KIF15: variants seen among roughly 807,000 people sequenced by gnomAD.
KIF15 encodes kinesin-like protein KIF15.
A neutral mutation model predicts 190.6 loss-of-function variants in KIF15; 140 were observed. The ratio of observed to expected loss-of-function variants is 0.73; its 90% CI spans 0.64 to 0.84. The LOEUF is 0.84. Ranked by LOEUF, KIF15 falls within the 40% of genes least tolerant of loss-of-function variation. The probability of loss-of-function intolerance (pLI) is 0.00; values close to 1 mark genes in which losing one functional copy is unlikely to be tolerated. For synonymous variants in KIF15, 528 were observed against 551.3 expected, an observed-to-expected ratio of 0.96 and a Z score of 0.59; for missense variants, 1,372 against 1,584.4, an observed-to-expected ratio of 0.87 and a Z score of 2.28.
At chr3:44,827,649 G>A (rs1056198141) in intron 23 of KIF15, 121 bp downstream of exon 23, 11 of 556,792 alleles carry the variant, frequency 2.0e-5, no homozygotes, top group Non-Finnish European at 2.9e-5. Context: ...GAAAGAAATG[G>A]AATTTGGGGC....
intron 20 of KIF15, among the ~76,000 whole-genome samples, chr3:44,816,575 CT>C (rs1262608704): frequency 6.6e-6 from 1 of 152,098 alleles, no homozygotes; most frequent in African/African-American, 2.4e-5. Flanking sequence ...TGAACTCATC[CT>C]TTTTTATGGC....
At position 44,783,594 on chromosome 3, in the gene KIF15, A is replaced by T. The variant is rs1706269132; in HGVS notation, c.362-1251A>T. 4.7e-5 allele frequency among the ~76,000 whole-genome samples: 5 copies of T among 105,270 alleles called. No individual in the cohort carries two copies. The South Asian group carries it at 1.7e-3, about 37-fold the overall frequency. 69.1% of individuals were successfully genotyped at this position (105,270 alleles called of 152,430 possible). A position where few individuals can be genotyped will look rare whatever the true frequency, so the allele number is the denominator to read the frequency against. On this transcript the variant is annotated intron_variant, in intron 5 of 34. Coordinates refer to ENST00000326047, the MANE Select transcript of KIF15 (RefSeq NM_020242.3). ...GGCAAAACATACTATATCTTTATAT[A>T]ATATATTCTTCAATGGGAAAATGAT...
intron 4 of KIF15, among the ~76,000 whole-genome samples, chr3:44,779,024 G>A: frequency 6.9e-6 from 1 of 144,548 alleles, no homozygotes; most frequent in African/African-American, 2.5e-5. Flanking sequence ...AGAAAGATTT[G>A]TCTGTTTTCC....
chr3:44,826,837 T>C (rs2125689406), intron 22 of KIF15, among the ~76,000 whole-genome samples: 1 of 152,338 alleles, frequency 6.6e-6, no homozygotes, highest in South Asian at 2.1e-4. Flanking sequence ...CTAACAGGAA[T>C]GCTGCCATAT....
intron 1 of KIF15, among the ~76,000 whole-genome samples, chr3:44,770,110 C>T (rs1705578570): frequency 1.3e-5 from 2 of 152,118 alleles, no homozygotes; most frequent in South Asian, 4.1e-4. Flanking sequence ...AGTTTTTAAA[C>T]GAACTAGGCA....
chr3:44,837,402 A>T (rs1241201496), intron 26 of KIF15, among the ~76,000 whole-genome samples: 4 of 152,228 alleles, frequency 2.6e-5, no homozygotes. Flanking sequence ...GAATAGTGAA[A>T]AATTCAAATC....
Position 44,801,484 on chromosome 3 carries a change from G to C in KIF15, c.1257G>C (p.Gln419His). 6.3e-7 allele frequency: 1 copy of C among 1,575,954 alleles called. No individual in the cohort carries two copies. The highest frequency in any genetic ancestry group is 1.1e-5 in the South Asian group (1 of 90,040). ...KKKTNYMEYF[Q>H]EAMLFFKKSE... ...AGACTAACTATATGGAGTATTTCCA[G>C]GAAGCAATGTTATTCTTTAAGAAAT... The change falls in exon 12 of 35, where the codon CAG becomes CAC. Residue 419 changes from glutamine to histidine, a missense_variant. Gln to His is a conservative substitution (Grantham distance 24, BLOSUM62 0). Transcript: ENST00000326047.
chr3:44,842,485 T>C (rs1698657038), intron 29 of KIF15, among the ~76,000 whole-genome samples: 1 of 152,220 alleles, frequency 6.6e-6, no homozygotes, highest in Non-Finnish European at 1.5e-5. Context: ...AAGGGATGTA[T>C]ATAAAGACAG....
At chr3:44,814,607 G>A (rs966662592) in intron 19 of KIF15, among the ~76,000 whole-genome samples, 4 of 152,184 alleles carry the variant, frequency 2.6e-5, no homozygotes, top group Non-Finnish European at 5.9e-5. Flanking sequence ...CACTGTGTCT[G>A]CCCTTATATT....
At chr3:44,852,379 T>A (rs1699092202) in intron 34 of KIF15, 40 bp downstream of exon 34, 1 of 1,559,694 alleles carries the variant, frequency 6.4e-7, no homozygotes. Context: ...CTGTCTGGTT[T>A]AAAAATGATT....
chr3:44,799,425 G>T (rs1707151642), intron 10 of KIF15: 2 of 441,194 alleles, frequency 4.5e-6, no homozygotes, highest in Admixed American at 2.5e-5. Flanking sequence ...CTGTCACAGG[G>T]TGTTTTTTCC....
At chr3:44,824,658 G>A (rs1230765334) in intron 20 of KIF15, among the ~76,000 whole-genome samples, 2 of 152,108 alleles carry the variant, frequency 1.3e-5, no homozygotes, top group South Asian at 4.1e-4. Flanking sequence ...ATTTCCTAAT[G>A]TTTATATGTC....
At position 44,805,922 on chromosome 3, in the gene KIF15, C is replaced by T; in HGVS notation, c.1907C>T (p.Ala636Val). ...ANLNLENLLE[A>V]TKACKRQEVS... is the part of the protein sequence containing the mutation. Reference sequence around the variant, plus strand: ...CTTAATCTTGAAAACCTTTTGGAAGCAACAAAAGCCTGCAAGCGGCAAGAA... The same window carrying T: ...CTTAATCTTGAAAACCTTTTGGAAGTAACAAAAGCCTGCAAGCGGCAAGAA... The change falls in exon 16 of 35, where the codon GCA becomes GTA. Residue 636 changes from alanine to valine, a missense_variant. Physicochemically the swap from Ala to Val is moderately conservative, Grantham distance 64 (BLOSUM62 0). Transcript: ENST00000326047. 6.2e-7 allele frequency: 1 copy of T among 1,614,028 alleles called. No individual in the cohort carries two copies.
At chr3:44,864,183 A>C (rs1699294924) in intron 6 of KIF15, 1 of 1,613,190 alleles carries the variant, frequency 6.2e-7, no homozygotes, top group Non-Finnish European at 8.5e-7. Flanking sequence ...CTGCAGTGAC[A>C]CTTTCTCCTG....
chr3:44,814,920 G>C lies in KIF15; in HGVS notation c.2393G>C (p.Ser798Thr), dbSNP rs1219762355. The C allele has an allele frequency of 1.9e-6, 3 of 1,585,380 alleles. No homozygotes were observed. The African/African-American group carries it at 4.1e-5, about 22-fold the overall frequency. ...TTTCTTTGTTTTTTAGTTTTGAAAA[G>C]TGAGGTACATGACCTGCGAGTAGTC... ...ETQTKNDFLK[S>T]EVHDLRVVLH... Residue 798 changes from serine to threonine, a missense_variant, in exon 20 of 35, where the codon AGT becomes ACT. Ser to Thr is a moderately conservative substitution (Grantham distance 58, BLOSUM62 1). Transcript: ENST00000326047.
intron 16 of KIF15, among the ~76,000 whole-genome samples, chr3:44,809,344 C>T (rs747602462): frequency 1.3e-5 from 2 of 152,016 alleles, no homozygotes; most frequent in Non-Finnish European, 2.9e-5. Context: ...GTTAGGTGTA[C>T]TGCCAATATA....
chr3:44,764,247 C>T (rs191228915), intron 1 of KIF15, among the ~76,000 whole-genome samples: 148 of 152,306 alleles, frequency 9.7e-4, no homozygotes, highest in Non-Finnish European at 1.8e-3. Context: ...AGAAAGTTCC[C>T]TGTGACCCTT....
chr3:44,794,427 G>A lies in KIF15; in HGVS notation c.849+1G>A. ...CCATGCAGAAGGGATGAGATTGAAG[G>A]TAAGAATGAAATTATGGTCTTCAAC... On this transcript the variant is annotated splice_donor_variant, in intron 8 of 34. Transcript: ENST00000326047. LOFTEE classifies it high-confidence loss of function. 1.9e-6 allele frequency: 3 copies of A among 1,579,578 alleles called. No homozygotes were observed. Among genetic ancestry groups the A allele is most frequent in the Non-Finnish European group, 2.6e-6 (3 of 1,161,166 alleles).
chr3:44,787,949 G>C (rs1214911698), intron 7 of KIF15, among the ~76,000 whole-genome samples: 1 of 152,018 alleles, frequency 6.6e-6, no homozygotes, highest in Non-Finnish European at 1.5e-5. Context: ...CCGCCTCCTA[G>C]GTTCAAGCAA....
Sources: gnomAD v4.1 joint callset for allele counts (sites outside exome capture counted in the v4.1 genomes callset) on GRCh38, gnomAD v4.1.1 for gene constraint, MANE v1.5 for transcripts, NCBI Gene and HGNC (gene_info 2026-07-23, HGNC 2026-07-21) for gene names.